Variants in MSRA observed in about 807,000 individuals in gnomAD.
MSRA encodes the protein mitochondrial peptide methionine sulfoxide reductase.
In MSRA, 54 loss-of-function variants were observed where a neutral mutation model predicts 31.3. That is an observed-to-expected ratio of 1.73 (90% CI 1.39 to 2.17). The LOEUF (loss-of-function observed/expected upper bound fraction) is 2.17, where lower values mean the gene tolerates loss of function less well. Among genes scored for constraint, MSRA ranks in the 30% most tolerant of loss-of-function variants. MSRA has a pLI of 0.00. For synonymous variants in MSRA, 169 were observed against 116.5 expected (o/e 1.45, Z -2.90); for missense variants, 507 against 300.9 (o/e 1.69, Z -5.07).
At chr8:10,342,497 T>C (rs184586380) in intron 5 of MSRA, among the ~76,000 whole-genome samples, 1 of 152,290 alleles carries the variant, frequency 6.6e-6, no homozygotes, top group East Asian at 1.9e-4. Context: ...CTGGAAAAGA[T>C]TCTGGAGTTC....
intron 1 of MSRA, among the ~76,000 whole-genome samples, chr8:10,059,384 A>G (rs1190011184): frequency 6.6e-6 from 1 of 152,222 alleles, no homozygotes; most frequent in Admixed American, 6.5e-5. Flanking sequence ...TGAGGCCCAT[A>G]GATGTTAGGC....
At chr8:10,271,463 T>A (rs868121588) in intron 3 of MSRA, among the ~76,000 whole-genome samples, 1 of 14,732 alleles carries the variant, frequency 6.8e-5, no homozygotes, top group African/African-American at 1.7e-4. Context: ...GAAAAATAAC[T>A]TTAAAAAACT....
chr8:10,301,964 A>C (rs1202898858), intron 4 of MSRA, among the ~76,000 whole-genome samples: 1 of 152,216 alleles, frequency 6.6e-6, no homozygotes, highest in African/African-American at 2.4e-5. Context: ...CTACAAAATT[A>C]AAGTGTCTTT....
intron 2 of MSRA, among the ~76,000 whole-genome samples, chr8:10,243,273 C>A (rs1188539670): frequency 1.3e-5 from 2 of 152,100 alleles, no homozygotes; most frequent in African/African-American, 4.8e-5. Context: ...GGTGGGCTGC[C>A]TTCTGCCTGG....
intron 5 of MSRA, among the ~76,000 whole-genome samples, chr8:10,394,024 C>G (rs983656860): frequency 2.0e-5 from 3 of 152,138 alleles, no homozygotes; most frequent in Non-Finnish European, 4.4e-5. Flanking sequence ...TGGAAGAGAC[C>G]CTAAGACAAC....
chr8:10,160,606 C>A (rs1804550642), intron 1 of MSRA, among the ~76,000 whole-genome samples: 1 of 152,144 alleles, frequency 6.6e-6, no homozygotes, highest in Admixed American at 6.5e-5. Context: ...ATCCTATTCT[C>A]ACTGCAACCT....
intron 1 of MSRA, among the ~76,000 whole-genome samples, chr8:10,163,242 C>T (rs916816514): frequency 1.3e-5 from 2 of 152,164 alleles, no homozygotes; most frequent in African/African-American, 4.8e-5. Context: ...CAGTCTGTGG[C>T]AGTTCGTTAT....
chr8:10,066,428 C>CA (rs1467317111), intron 1 of MSRA, among the ~76,000 whole-genome samples: 2 of 152,218 alleles, frequency 1.3e-5, no homozygotes, highest in African/African-American at 4.8e-5. Flanking sequence ...CATACACACA[C>CA]ACGCACAATT....
intron 1 of MSRA, among the ~76,000 whole-genome samples, chr8:10,132,978 G>A (rs777499167): frequency 3.9e-5 from 6 of 152,180 alleles, no homozygotes; most frequent in Non-Finnish European, 7.3e-5. Flanking sequence ...TATTTCACTT[G>A]TAATAAGCAC....
intron 5 of MSRA, among the ~76,000 whole-genome samples, chr8:10,415,251 A>G (rs1167545402): frequency 1.3e-5 from 2 of 152,176 alleles, no homozygotes; most frequent in Non-Finnish European, 2.9e-5. Flanking sequence ...GGAAGGACCC[A>G]TTCCCCTTGC....
chr8:10,345,484 C>T (rs905930068), intron 5 of MSRA, among the ~76,000 whole-genome samples: 2 of 152,166 alleles, frequency 1.3e-5, no homozygotes, highest in Non-Finnish European at 2.9e-5. Flanking sequence ...CACCTGACTT[C>T]AGCACACACA....
At chr8:10,284,300 T>C (rs1283067385) in intron 3 of MSRA, among the ~76,000 whole-genome samples, 2 of 152,118 alleles carry the variant, frequency 1.3e-5, no homozygotes, top group African/African-American at 4.8e-5. Flanking sequence ...GCAATTCTCC[T>C]GCCTCAGCCT....
At chr8:10,243,438 G>GTTTTAT in intron 2 of MSRA, among the ~76,000 whole-genome samples, 1 of 152,080 alleles carries the variant, frequency 6.6e-6, no homozygotes, top group Non-Finnish European at 1.5e-5. Flanking sequence ...GCTTTTGCCG[G>GTTTTAT]AGACCTGTGG....
chr8:10,219,806 C>CAAA (rs59393980), intron 2 of MSRA, among the ~76,000 whole-genome samples: 6 of 57,102 alleles, frequency 1.1e-4, no homozygotes, highest in Admixed American at 2.4e-4. Flanking sequence ...ACTCTGTCTC[C>CAAA]AAAAAAAAAA....
chr8:10,110,572 T>C (rs1800205360), intron 1 of MSRA, among the ~76,000 whole-genome samples: 1 of 152,260 alleles, frequency 6.6e-6, no homozygotes, highest in Non-Finnish European at 1.5e-5. Flanking sequence ...TTCTGTACTT[T>C]TTCACAGACT....
In MSRA at chr8:10,378,438, C is replaced by G. The variant is rs2954812; in HGVS notation, c.544-49710C>G. 4.6e-5 allele frequency among the ~76,000 whole-genome samples: 7 copies of G among 152,216 alleles called. No individual in the cohort carries two copies. In the East Asian group the frequency reaches 1.2e-3, roughly 25 times the overall value. On this transcript the variant is annotated intron_variant, in intron 5 of 5. Transcript: ENST00000317173. ...GCCGGCTAATCCCCTGGTGATAATTCTCAGTCTCTGTGAACCACTGAGGCA... is the reference window on the plus strand; with the variant it reads ...GCCGGCTAATCCCCTGGTGATAATTGTCAGTCTCTGTGAACCACTGAGGCA...
intron 1 of MSRA, among the ~76,000 whole-genome samples, chr8:10,070,287 C>T (rs814406): frequency 0.22 from 32,867 of 152,112 alleles, 3,697 homozygotes; most frequent in Admixed American, 0.26. Flanking sequence ...GTTCTGGAAA[C>T]TTAGTCAATT....
At chr8:10,243,225 T>C (rs1285897004) in intron 2 of MSRA, among the ~76,000 whole-genome samples, 1 of 152,106 alleles carries the variant, frequency 6.6e-6, no homozygotes, top group Non-Finnish European at 1.5e-5. Flanking sequence ...CACAGAAATA[T>C]TTTATTCAAC....
At chr8:10,216,794 C>A (rs1353029131) in intron 2 of MSRA, among the ~76,000 whole-genome samples, 1 of 152,196 alleles carries the variant, frequency 6.6e-6, no homozygotes, top group Non-Finnish European at 1.5e-5. Context: ...TTTGGTTTGT[C>A]CATTCACCTG....
Sources: gnomAD v4.1 joint callset for allele counts (sites outside exome capture counted in the v4.1 genomes callset) on GRCh38, gnomAD v4.1.1 for gene constraint, MANE v1.5 for transcripts, NCBI Gene and HGNC (gene_info 2026-07-23, HGNC 2026-07-21) for gene names.